The following RBM33 variants were observed in gnomAD, a reference collection of about 807,000 sequenced individuals.
The protein encoded by RBM33 is RNA-binding protein 33.
In RBM33, 28 loss-of-function variants were observed where a neutral mutation model predicts 132.6. That is an observed-to-expected ratio of 0.21 (90% CI 0.16 to 0.29). RBM33 has a LOEUF of 0.29. RBM33 is among the 10% of genes least tolerant of loss of function. The probability of loss-of-function intolerance (pLI) is 1.00; values close to 1 mark genes in which losing one functional copy is unlikely to be tolerated. For synonymous variants in RBM33, 634 were observed against 593.0 expected, an observed-to-expected ratio of 1.07 and a Z score of -1.01; for missense variants, 1,291 against 1,518.5, an observed-to-expected ratio of 0.85 and a Z score of 2.49.
chr7:155,741,407 G>C (rs933050387), intron 12 of RBM33, among the ~76,000 whole-genome samples: 2 of 152,188 alleles, frequency 1.3e-5, no homozygotes, highest in Non-Finnish European at 2.9e-5. Context: ...CCTTGTTCCA[G>C]CTTAAATTTA....
At chr7:155,675,809 T>G (rs759167135) in intron 3 of RBM33, among the ~76,000 whole-genome samples, 4 of 152,218 alleles carry the variant, frequency 2.6e-5, no homozygotes, top group Non-Finnish European at 5.9e-5. Context: ...ATTGCCAATT[T>G]ACCTTCCAGA....
chr7:155,684,439 A>T (rs1309854388), intron 5 of RBM33, among the ~76,000 whole-genome samples: 3 of 152,150 alleles, frequency 2.0e-5, no homozygotes, highest in Admixed American at 6.5e-5. Context: ...TTTCATACAA[A>T]ACCTGGAATC....
At chr7:155,771,972 A>G (rs908144145) in intron 16 of RBM33, among the ~76,000 whole-genome samples, 1 of 152,092 alleles carries the variant, frequency 6.6e-6, no homozygotes. Flanking sequence ...TCCAGATTCT[A>G]TCTGTGAATT....
intron 5 of RBM33, 63 bp downstream of exon 5, chr7:155,680,971 C>A: frequency 7.4e-7 from 1 of 1,352,196 alleles, no homozygotes; most frequent in South Asian, 1.4e-5. Flanking sequence ...GGCTTCTAGA[C>A]TGATTTGAAA....
At position 155,738,322 on chromosome 7, in the gene RBM33, G is replaced by T; in HGVS notation, c.1656G>T (p.Arg552=). 1.2e-6 allele frequency: 2 copies of T among 1,613,896 alleles called. No individual in the cohort carries two copies. The highest frequency in any genetic ancestry group is 2.7e-5 in the African/African-American group (2 of 75,012). ...HFSQPGSATT[R]PFIPPRQPFL... ...GCCAGCCTGGGTCGGCAACCACACGGCCCTTCATTCCTCCTAGACAGCCGT... is the reference window on the plus strand; with the variant it reads ...GCCAGCCTGGGTCGGCAACCACACGTCCCTTCATTCCTCCTAGACAGCCGT... The change falls in exon 11 of 18, where the codon CGG becomes CGT. Residue 552 remains arginine, a synonymous_variant. Coordinates refer to ENST00000401878, the MANE Select transcript of RBM33 (RefSeq NM_053043.3).
chr7:155,694,442 A>G (rs1385562527), intron 5 of RBM33, among the ~76,000 whole-genome samples: 1 of 152,218 alleles, frequency 6.6e-6, no homozygotes, highest in Non-Finnish European at 1.5e-5. Context: ...CACCACTTAA[A>G]ATACTTGTGA....
chr7:155,728,218 A>G (rs1312455813), intron 9 of RBM33, among the ~76,000 whole-genome samples: 2 of 152,090 alleles, frequency 1.3e-5, no homozygotes, highest in Non-Finnish European at 2.9e-5. Context: ...ATGCGCCGTC[A>G]TGACTTCTTC....
At chr7:155,664,401 C>T (rs1321454587) in intron 1 of RBM33, among the ~76,000 whole-genome samples, 1 of 151,302 alleles carries the variant, frequency 6.6e-6, no homozygotes, top group Admixed American at 6.6e-5. Flanking sequence ...GCTGGGACTA[C>T]GGACGTGCAC....
chr7:155,676,187 C>T (rs886634138), intron 3 of RBM33, among the ~76,000 whole-genome samples: 31 of 152,130 alleles, frequency 2.0e-4, no homozygotes, highest in African/African-American at 6.5e-4. Flanking sequence ...GAAAGGCACA[C>T]GGGTCAGACT....
In RBM33 at chr7:155,745,501, A is replaced by G. The variant is rs368320734; in HGVS notation, c.2878A>G (p.Lys960Glu). The change falls in exon 14 of 18, where the codon AAG (lysine) becomes GAG (glutamate). Residue 960 changes from lysine (K) to glutamate (E), a missense_variant. Around this residue, in one of 7 missense-constraint regions of RBM33, gnomAD observed 841 missense variants for 912.0 expected, o/e 0.92. Transcript: ENST00000401878. The surrounding 1 kb of genome is among the most constrained non-coding windows in gnomAD (Gnocchi z 4.1). ...CATCCAGGGCCGGCCCCAGGACACAAAGCCTGGCGTGAAAAGGACTGTCAC... is the reference window on the plus strand; with the variant it reads ...CATCCAGGGCCGGCCCCAGGACACAGAGCCTGGCGTGAAAAGGACTGTCAC... ...ASIQGRPQDT[K>E]PGVKRTVTHR... 10 of 1,613,362 alleles carry G rather than the reference A, an allele frequency of 6.2e-6. No homozygotes were observed. The African/African-American group carries it at 1.3e-4, about 22-fold the overall frequency.
chr7:155,666,408 A>G (rs1472428704), intron 2 of RBM33, among the ~76,000 whole-genome samples: 1 of 152,208 alleles, frequency 6.6e-6, no homozygotes, highest in Non-Finnish European at 1.5e-5. Flanking sequence ...CTGTGGACTC[A>G]TTGCTAATCA....
intron 7 of RBM33, among the ~76,000 whole-genome samples, chr7:155,710,015 T>G (rs1048882111): frequency 1.3e-5 from 2 of 152,364 alleles, no homozygotes; most frequent in Non-Finnish European, 1.5e-5. Context: ...TCCTTCCGTC[T>G]TCTTTACCCT....
At chr7:155,655,274 A>T (rs1798460232) in intron 1 of RBM33, among the ~76,000 whole-genome samples, 1 of 152,172 alleles carries the variant, frequency 6.6e-6, no homozygotes, top group African/African-American at 2.4e-5. Context: ...TTTGACTTTA[A>T]AATTCTTATT....
chr7:155,762,557 C>G (rs1358817488), intron 14 of RBM33, among the ~76,000 whole-genome samples: 1 of 152,228 alleles, frequency 6.6e-6, no homozygotes, highest in African/African-American at 2.4e-5. Flanking sequence ...CATTTTTCAT[C>G]TCATCTTTTC....
At chr7:155,667,883 TA>T (rs1452001833) in intron 2 of RBM33, among the ~76,000 whole-genome samples, 3 of 152,222 alleles carry the variant, frequency 2.0e-5, no homozygotes, top group Non-Finnish European at 4.4e-5. Flanking sequence ...GAAAATAGAC[TA>T]GTACAGTGAA....
rs558121774 is a variant in RBM33, at chr7:155,702,471, A to G, written c.739+1527A>G. 5.9e-5 allele frequency among the ~76,000 whole-genome samples: 9 copies of G among 152,334 alleles called. No homozygotes were observed. The East Asian group carries it at 7.7e-4, about 13-fold the overall frequency. On this transcript the variant is annotated intron_variant, in intron 6 of 17. Coordinates refer to ENST00000401878, the MANE Select transcript of RBM33 (RefSeq NM_053043.3). ...AGTTGAGCTGAAGCAGATTTCTTAG[A>G]AGCATCTTTAATTTCTAAGAAATAG...
chr7:155,647,958 A>G (rs1798247991), intron 1 of RBM33, among the ~76,000 whole-genome samples: 1 of 152,204 alleles, frequency 6.6e-6, no homozygotes, highest in Admixed American at 6.5e-5. Context: ...TCAGTACACA[A>G]ATCGTAAAAA....
rs1293031081 is a variant in RBM33, at chr7:155,644,899, G to C, written c.23G>C (p.Ser8Thr). 28 of 1,500,204 alleles carry C rather than the reference G, an allele frequency of 1.9e-5. No homozygotes were observed. The highest frequency in any genetic ancestry group is 2.5e-5 in the Non-Finnish European group (28 of 1,130,974). The allele number at this position is 1,500,204 out of a possible 1,614,324, so 92.9% of individuals were successfully genotyped here. MAAALGASGGAGAGDDDF... is the reference protein window; with the variant it reads MAAALGATGGAGAGDDDF... ...GCCATGGCGGCCGCCCTGGGAGCGAGCGGAGGAGCAGGCGCCGGAGGTACG... is the reference window on the plus strand; with the variant it reads ...GCCATGGCGGCCGCCCTGGGAGCGACCGGAGGAGCAGGCGCCGGAGGTACG... Residue 8 changes from serine to threonine, a missense_variant, in exon 1 of 18, where the codon AGC (serine) becomes ACC (threonine). By Grantham distance (58) the Ser-to-Thr change is moderately conservative (BLOSUM62 1). Around this residue, in one of 7 missense-constraint regions of RBM33, gnomAD observed 194 missense variants for 249.8 expected, o/e 0.78. Transcript: ENST00000401878.
At chr7:155,699,066 A>G (rs1799882333) in intron 5 of RBM33, among the ~76,000 whole-genome samples, 1 of 152,180 alleles carries the variant, frequency 6.6e-6, no homozygotes. Flanking sequence ...TTAGATGGAG[A>G]TTTGGATGCA....
Sources: allele counts gnomAD v4.1 joint callset (sites outside exome capture counted in the v4.1 genomes callset), GRCh38; gene constraint gnomAD v4.1.1; regional missense constraint gnomAD v4.1.1; non-coding constraint Gnocchi (gnomAD v3.1); transcripts MANE v1.5; gene names NCBI Gene and HGNC (gene_info 2026-07-23, HGNC 2026-07-21).